The following PHLPP1 variants were observed in gnomAD, a reference collection of about 807,000 sequenced individuals.
The protein encoded by PHLPP1 is PH domain leucine-rich repeat-containing protein phosphatase 1.
PHLPP1 carries 42 observed loss-of-function variants against 117.2 expected under a neutral mutation model. The ratio of observed to expected loss-of-function variants is 0.36; its 90% CI spans 0.28 to 0.46. PHLPP1 has a LOEUF of 0.46. Ranked by LOEUF, PHLPP1 falls within the 20% of genes least tolerant of loss-of-function variation. The pLI is 1.00. For synonymous variants in PHLPP1, 1,042 were observed against 970.7 expected, an observed-to-expected ratio of 1.07 and a Z score of -1.37; for missense variants, 2,084 against 2,241.9, an observed-to-expected ratio of 0.93 and a Z score of 1.42.
intron 1 of PHLPP1, among the ~76,000 whole-genome samples, chr18:62,728,251 T>A (rs1050893318): frequency 8.6e-5 from 13 of 151,026 alleles, no homozygotes; most frequent in African/African-American, 2.7e-4. Flanking sequence ...GCCGAGATGG[T>A]GCCACTGCAC....
rs116475480 is a variant in PHLPP1 at position 62,914,554 on chromosome 18, A to T, written c.2709-359A>T. ...TCTACTCCAGCAGTCCTCCCACTGTACCCTTTTGAGTAGCTGGGACTATAG... is the reference window on the plus strand; with the variant it reads ...TCTACTCCAGCAGTCCTCCCACTGTTCCCTTTTGAGTAGCTGGGACTATAG... On this transcript the variant is annotated intron_variant, in intron 8 of 16. Transcript: ENST00000262719. Among the ~76,000 whole-genome samples, 625 of 152,228 alleles carry T rather than the reference A, an allele frequency of 4.1e-3. 4 individuals carry two copies. The highest frequency in any genetic ancestry group is 0.014 in the African/African-American group (593 of 41,546).
At chr18:62,793,351 G>T (rs1198730019) in intron 1 of PHLPP1, among the ~76,000 whole-genome samples, 1 of 152,096 alleles carries the variant, frequency 6.6e-6, no homozygotes, top group Non-Finnish European at 1.5e-5. Flanking sequence ...TCAAAGCTAG[G>T]TTTTACCACC....
At chr18:62,754,635 C>G (rs1403167921) in intron 1 of PHLPP1, among the ~76,000 whole-genome samples, 1 of 152,138 alleles carries the variant, frequency 6.6e-6, no homozygotes, top group Non-Finnish European at 1.5e-5. Flanking sequence ...CTCCAGACCC[C>G]TGAGGGAAAT....
chr18:62,906,596 AC>A (rs1368529193), intron 8 of PHLPP1, among the ~76,000 whole-genome samples: 1 of 71,830 alleles, frequency 1.4e-5, no homozygotes, highest in Non-Finnish European at 2.8e-5. Flanking sequence ...CGCTTTTCAG[AC>A]CGGCTTAAGA....
intron 16 of PHLPP1, among the ~76,000 whole-genome samples, chr18:62,977,894 A>AT (rs1911238269): frequency 6.6e-6 from 1 of 152,208 alleles, no homozygotes; most frequent in Non-Finnish European, 1.5e-5. Flanking sequence ...GGGAGGGAAG[A>AT]TGTAAACCCA....
intron 4 of PHLPP1, among the ~76,000 whole-genome samples, chr18:62,886,126 A>G (rs1166632236): frequency 1.3e-5 from 2 of 152,178 alleles, no homozygotes; most frequent in African/African-American, 4.8e-5. Context: ...TTCATTTTAT[A>G]ATGTAAATAT....
chr18:62,809,902 T>C (rs763540201), intron 1 of PHLPP1, among the ~76,000 whole-genome samples: 8 of 152,218 alleles, frequency 5.3e-5, no homozygotes, highest in Non-Finnish European at 1.0e-4. Context: ...CACTTTCCAG[T>C]TGGTTTATTT....
chr18:62,978,202 T>A lies in PHLPP1; in HGVS notation c.3985-60T>A. On this transcript the variant is annotated intron_variant, in intron 16 of 16. Coordinates refer to ENST00000262719, the MANE Select transcript of PHLPP1 (RefSeq NM_194449.4). This position sits in a 1 kb window ranked among gnomAD's most constrained non-coding sequence, Gnocchi z 7.0. Reference sequence around the variant, plus strand: ...ACAGTCGAGGGACCCGCAGGGAACCTGCACAGTTGCCGCAGGTGCTCTGTA... The same window carrying A: ...ACAGTCGAGGGACCCGCAGGGAACCAGCACAGTTGCCGCAGGTGCTCTGTA... The A allele has an allele frequency of 9.9e-7, 1 of 1,010,160 alleles. No homozygotes were observed. The highest frequency in any genetic ancestry group is 1.5e-6 in the Non-Finnish European group (1 of 671,730). 62.6% of individuals were successfully genotyped at this position (1,010,160 alleles called of 1,614,324 possible).
At chr18:62,824,296 A>G in intron 1 of PHLPP1, 1 of 411,782 alleles carries the variant, frequency 2.4e-6, no homozygotes, top group South Asian at 1.7e-5. Context: ...AGTGTTCTCC[A>G]TCAAAATAGA....
chr18:62,721,653 C>T (rs1056174830), intron 1 of PHLPP1, among the ~76,000 whole-genome samples: 1 of 151,922 alleles, frequency 6.6e-6, no homozygotes, highest in African/African-American at 2.4e-5. Flanking sequence ...AGTTCTTCTC[C>T]TTGAATTTCA....
intron 10 of PHLPP1, among the ~76,000 whole-genome samples, chr18:62,920,800 A>C (rs1159281090): frequency 1.3e-5 from 2 of 152,114 alleles, no homozygotes; most frequent in Non-Finnish European, 2.9e-5. Flanking sequence ...GGCTCAAGTG[A>C]TCCACCCACC....
At chr18:62,899,665 C>A (rs939535153) in intron 6 of PHLPP1, among the ~76,000 whole-genome samples, 5 of 152,146 alleles carry the variant, frequency 3.3e-5, no homozygotes, top group African/African-American at 1.2e-4. Flanking sequence ...CTTACTGCAA[C>A]AAAGCCATAG....
At chr18:62,912,262 C>T (rs1469581313) in intron 8 of PHLPP1, among the ~76,000 whole-genome samples, 1 of 147,864 alleles carries the variant, frequency 6.8e-6, no homozygotes, top group South Asian at 2.1e-4. Flanking sequence ...TGTAACTAAC[C>T]TGCACAATGT....
chr18:62,750,392 C>T (rs537912457), intron 1 of PHLPP1, among the ~76,000 whole-genome samples: 1 of 152,282 alleles, frequency 6.6e-6, no homozygotes, highest in East Asian at 1.9e-4. Context: ...CTCTCCATCC[C>T]TCTATACAGA....
intron 10 of PHLPP1, among the ~76,000 whole-genome samples, chr18:62,935,024 TTA>T (rs1243972206): frequency 5.9e-5 from 9 of 152,180 alleles, no homozygotes; most frequent in African/African-American, 2.2e-4. Context: ...ATTAGATATA[TTA>T]GCCAGGTAAT....
At chr18:62,819,439 A>G (rs1424177097) in intron 1 of PHLPP1, among the ~76,000 whole-genome samples, 1 of 152,234 alleles carries the variant, frequency 6.6e-6, no homozygotes, top group Non-Finnish European at 1.5e-5. Context: ...CAGTTAATAC[A>G]AAACAAGGCA....
intron 4 of PHLPP1, among the ~76,000 whole-genome samples, chr18:62,862,672 A>G (rs1915662283): frequency 1.3e-5 from 2 of 152,180 alleles, no homozygotes; most frequent in Admixed American, 6.5e-5. Context: ...ACATAATCAG[A>G]TAAGTGTTTT....
At chr18:62,889,221 G>C (rs1157636708) in intron 4 of PHLPP1, among the ~76,000 whole-genome samples, 1 of 152,162 alleles carries the variant, frequency 6.6e-6, no homozygotes, top group Admixed American at 6.5e-5. Context: ...GAGTTTGGGG[G>C]ATTGGCTGCA....
rs1917043905 is a variant in PHLPP1 at position 62,914,375 on chromosome 18, CTG to C, written c.2709-536_2709-535del. ...TTAGGAAAGTAAATTTGGAGCTAGA[CTG>C]TTTTTTTAGACTTTAGAGATGATAC... On this transcript the variant is annotated intron_variant, in intron 8 of 16. Coordinates refer to ENST00000262719, the MANE Select transcript of PHLPP1 (RefSeq NM_194449.4). Among the ~76,000 whole-genome samples, 3 of 152,278 alleles carry C rather than the reference CTG, an allele frequency of 2.0e-5. No individual in the cohort carries two copies. In the South Asian group the frequency reaches 6.2e-4, roughly 32 times the overall value.
Sources: allele counts gnomAD v4.1 joint callset (sites outside exome capture counted in the v4.1 genomes callset), GRCh38; gene constraint gnomAD v4.1.1; non-coding constraint Gnocchi (gnomAD v3.1); transcripts MANE v1.5; gene names NCBI Gene and HGNC (gene_info 2026-07-23, HGNC 2026-07-21).